Variants in FAM171A1 observed in about 807,000 individuals in gnomAD.
The protein encoded by FAM171A1 is protein FAM171A1.
A neutral mutation model predicts 74.9 loss-of-function variants in FAM171A1; 23 were observed. That is an observed-to-expected ratio of 0.31 (90% confidence interval 0.22 to 0.44). The LOEUF is 0.44. Ranked by LOEUF, FAM171A1 falls within the 20% of genes least tolerant of loss-of-function variation. The pLI, the probability that FAM171A1 is intolerant of heterozygous loss-of-function variation, is 1.00. For synonymous variants in FAM171A1, 527 were observed against 505.7 expected (o/e 1.04, Z -0.57); for missense variants, 1,162 against 1,159.2 (o/e 1.00, Z -0.03).
intron 1 of FAM171A1, among the ~76,000 whole-genome samples, chr10:15,293,951 C>A (rs995955070): frequency 3.8e-4 from 58 of 152,294 alleles, no homozygotes; most frequent in African/African-American, 1.4e-3. Context: ...AAAAAATGGG[C>A]TGCGGTTCTG....
intron 5 of FAM171A1, among the ~76,000 whole-genome samples, chr10:15,245,126 C>T (rs1028160702): frequency 5.3e-5 from 8 of 151,458 alleles, no homozygotes; most frequent in South Asian, 2.1e-4. Context: ...AGTGTGGGGA[C>T]GCTATCTTGG....
intron 3 of FAM171A1, among the ~76,000 whole-genome samples, chr10:15,264,873 A>G (rs1333399956): frequency 1.3e-5 from 2 of 151,788 alleles, no homozygotes; most frequent in African/African-American, 4.9e-5. Context: ...TTATTTATCT[A>G]CATGGTAGTA....
At chr10:15,299,188 G>C (rs1835198076) in intron 1 of FAM171A1, among the ~76,000 whole-genome samples, 1 of 152,132 alleles carries the variant, frequency 6.6e-6, no homozygotes, top group Admixed American at 6.5e-5. Flanking sequence ...CAAAGTGCTG[G>C]GATTACAGGT....
At chr10:15,276,931 C>T (rs1834902686) in intron 2 of FAM171A1, among the ~76,000 whole-genome samples, 1 of 152,172 alleles carries the variant, frequency 6.6e-6, no homozygotes, top group African/African-American at 2.4e-5. Flanking sequence ...AGCAATCCTT[C>T]CCACCTTTGC....
intron 1 of FAM171A1, among the ~76,000 whole-genome samples, chr10:15,304,038 C>T (rs1241471698): frequency 5.3e-5 from 8 of 152,186 alleles, no homozygotes; most frequent in African/African-American, 1.7e-4. Context: ...ATGGAACAAA[C>T]CCAAAGAGAC....
intron 4 of FAM171A1, among the ~76,000 whole-genome samples, 171 bp from the exon 5 acceptor site, chr10:15,248,986 G>A (rs1055390217): frequency 3.3e-5 from 5 of 152,058 alleles, no homozygotes; most frequent in African/African-American, 9.6e-5. Flanking sequence ...AGGTAAAATC[G>A]TCATTTTTAC....
Position 15,213,984 on chromosome 10 carries a change from C to G in FAM171A1, c.1604G>C (p.Arg535Thr). 6.2e-7 allele frequency: 1 copy of G among 1,614,188 alleles called. No homozygotes were observed. Among genetic ancestry groups the G allele is most frequent in the Non-Finnish European group, 8.5e-7 (1 of 1,180,044 alleles). The change falls in exon 8 of 8, where the codon AGA becomes ACA. Residue 535 changes from arginine to threonine, a missense_variant. Transcript: ENST00000378116. This position sits in a 1 kb window ranked among gnomAD's most constrained non-coding sequence, Gnocchi z 6.8. ...SPEKEQLLDR[R>T]PTECMMSRSV... is the part of the protein sequence containing the mutation. Reference sequence around the variant, plus strand: ...TCGCGACATCATACATTCAGTGGGTCTGCGGTCCAGCAGCTGTTCTTTCTC... The same window carrying G: ...TCGCGACATCATACATTCAGTGGGTGTGCGGTCCAGCAGCTGTTCTTTCTC...
chr10:15,300,601 A>AC (rs1554837484), intron 1 of FAM171A1, among the ~76,000 whole-genome samples: 15 of 86,820 alleles, frequency 1.7e-4, no homozygotes, highest in South Asian at 4.5e-4. Context: ...ACCCCCTCCC[A>AC]CCCCCCAAAA....
Position 15,212,301 on chromosome 10 carries a change from G to A in FAM171A1, c.*614C>T, listed in dbSNP as rs1051459662. The A allele has an allele frequency of 3.9e-5, 6 of 154,060 alleles. No individual in the cohort carries two copies. In the East Asian group the frequency reaches 1.2e-3, roughly 30 times the overall value. 9.5% of individuals were successfully genotyped at this position (154,060 alleles called of 1,614,324 possible). On this transcript the variant is annotated 3_prime_UTR_variant, in exon 8 of 8. Coordinates refer to ENST00000378116, the MANE Select transcript of FAM171A1 (RefSeq NM_001010924.2). ...CTGAAGGGAGACGCTGAGATGGACC[G>A]CTGAGAAGCGGAACAGATGAACACA...
intron 1 of FAM171A1, among the ~76,000 whole-genome samples, chr10:15,357,900 T>G (rs190594315): frequency 1.3e-5 from 2 of 152,182 alleles, no homozygotes; most frequent in African/African-American, 4.8e-5. Context: ...AATAAAAACC[T>G]ATTACGGTCC....
At chr10:15,355,415 G>A (rs567764478) in intron 1 of FAM171A1, among the ~76,000 whole-genome samples, 2 of 152,064 alleles carry the variant, frequency 1.3e-5, no homozygotes, top group Non-Finnish European at 2.9e-5. Flanking sequence ...CCTTCCAAAC[G>A]GCAAATGTAC....
chr10:15,252,304 C>G (rs1834519855), intron 4 of FAM171A1, among the ~76,000 whole-genome samples: 2 of 152,146 alleles, frequency 1.3e-5, no homozygotes, highest in South Asian at 4.1e-4. Flanking sequence ...TTCATGGTAC[C>G]CCCAGAAAAC....
At chr10:15,318,935 A>G (rs1268880859) in intron 1 of FAM171A1, among the ~76,000 whole-genome samples, 7 of 152,210 alleles carry the variant, frequency 4.6e-5, no homozygotes, top group Admixed American at 3.9e-4. Flanking sequence ...TCATAGTTCC[A>G]AGAGGGTTTA....
At chr10:15,371,460 C>G (rs1233567450), upstream of FAM171A1, among the ~76,000 whole-genome samples, 1 of 151,506 alleles carries the variant, frequency 6.6e-6, no homozygotes, top group African/African-American at 2.4e-5. Flanking sequence ...TCCCCGCAGC[C>G]CCGCAGAAGA....
chr10:15,314,427 C>A (rs1448473568), intron 1 of FAM171A1, among the ~76,000 whole-genome samples: 1 of 152,106 alleles, frequency 6.6e-6, no homozygotes, highest in Non-Finnish European at 1.5e-5. Flanking sequence ...GCTGGCCATA[C>A]GGGGAAGACT....
chr10:15,351,572 G>GATGGATGGATGGATGGATGA (rs2131880144), intron 1 of FAM171A1, among the ~76,000 whole-genome samples: 1 of 150,328 alleles, frequency 6.7e-6, no homozygotes, highest in Admixed American at 6.6e-5. Flanking sequence ...AGGGACGATG[G>GATGGATGGATGGATGGATGA]ATGGATGGAT....
At chr10:15,243,999 C>G (rs1834398516) in intron 5 of FAM171A1, among the ~76,000 whole-genome samples, 1 of 152,140 alleles carries the variant, frequency 6.6e-6, no homozygotes, top group South Asian at 2.1e-4. Flanking sequence ...ATCTGCCCAC[C>G]TTGGCCTCCC....
At position 15,371,263 on chromosome 10, in the gene FAM171A1, C is replaced by CGGT. The variant is rs1170427485; in HGVS notation, c.-212_-211insACC. 1.5e-4 allele frequency among the ~76,000 whole-genome samples: 21 copies of CGGT among 144,120 alleles called. No homozygotes were observed. Among genetic ancestry groups the CGGT allele is most frequent in the Non-Finnish European group, 2.8e-4 (18 of 65,124 alleles). 94.5% of individuals were successfully genotyped at this position (144,120 alleles called of 152,430 possible). A position where few individuals can be genotyped will look rare whatever the true frequency, so the allele number is the denominator to read the frequency against. On this transcript the variant is annotated 5_prime_UTR_variant, in exon 1 of 8. Transcript: ENST00000378116. ...AGAGCCGCGGCGGCGGCGGCGGCGG[C>CGGT]GGCTGCTGCTGCTCCGCCAGCTCCT... is the stretch of plus-strand genomic sequence containing the variant.
intron 1 of FAM171A1, among the ~76,000 whole-genome samples, chr10:15,336,252 A>G (rs1252598013): frequency 1.3e-5 from 2 of 152,094 alleles, no homozygotes; most frequent in African/African-American, 2.4e-5. Context: ...CCCCAGGTTG[A>G]TGGGGCTTGT....
Sources: allele counts gnomAD v4.1 joint callset (sites outside exome capture counted in the v4.1 genomes callset), GRCh38; gene constraint gnomAD v4.1.1; non-coding constraint Gnocchi (gnomAD v3.1); transcripts MANE v1.5; gene names NCBI Gene and HGNC (gene_info 2026-07-23, HGNC 2026-07-21).